Variants in FAM184A observed in about 807,000 individuals in gnomAD.
FAM184A encodes the protein family with sequence similarity 184 member A.
A neutral mutation model predicts 143.8 loss-of-function variants in FAM184A; 99 were observed. That is an observed-to-expected ratio of 0.69 (90% CI 0.58 to 0.81). The LOEUF is 0.81. Among genes scored for constraint, FAM184A ranks in the 40% least tolerant of loss-of-function variants. The probability of loss-of-function intolerance (pLI) is 0.00; values close to 1 mark genes in which losing one functional copy is unlikely to be tolerated. For missense variants in FAM184A, 1,217 were observed against 1,310.5 expected (o/e 0.93, Z 1.10); for synonymous variants, 427 against 446.4 (o/e 0.96, Z 0.55).
intron 1 of FAM184A, among the ~76,000 whole-genome samples, chr6:119,138,712 C>T (rs565815730): frequency 1.4e-4 from 22 of 152,168 alleles, no homozygotes; most frequent in African/African-American, 2.9e-4. Flanking sequence ...CCGCAACCTC[C>T]GCCTCCTGGG....
chr6:119,070,007 A>T (rs1274286786), intron 1 of FAM184A, among the ~76,000 whole-genome samples: 1 of 152,100 alleles, frequency 6.6e-6, no homozygotes, highest in Non-Finnish European at 1.5e-5. Flanking sequence ...ATTAGCAATT[A>T]AAAAAATCAA....
intron 1 of FAM184A, among the ~76,000 whole-genome samples, chr6:119,097,443 A>C (rs1432096216): frequency 6.6e-6 from 1 of 152,230 alleles, no homozygotes; most frequent in Non-Finnish European, 1.5e-5. Flanking sequence ...CAAATGTCTT[A>C]CTTCAGATTT....
intron 9 of FAM184A, among the ~76,000 whole-genome samples, chr6:118,986,470 T>G (rs888616786): frequency 6.6e-6 from 1 of 152,200 alleles, no homozygotes; most frequent in Admixed American, 6.5e-5. Context: ...ACAGAGGGAG[T>G]GGGCAGGTGC....
intron 1 of FAM184A, among the ~76,000 whole-genome samples, chr6:119,063,558 T>C (rs891829868): frequency 2.0e-5 from 3 of 152,182 alleles, no homozygotes; most frequent in African/African-American, 7.2e-5. Context: ...TGTTTGCAGT[T>C]CAACCCCAGC....
At chr6:119,135,813 A>T (rs1789644865) in intron 1 of FAM184A, among the ~76,000 whole-genome samples, 1 of 152,186 alleles carries the variant, frequency 6.6e-6, no homozygotes, top group African/African-American at 2.4e-5. Context: ...TCACCAGGTG[A>T]ATTCTACTAT....
Position 118,959,961 on chromosome 6 carries a change from A to C in FAM184A, c.*142T>G. The C allele has an allele frequency of 1.8e-6, 1 of 562,010 alleles. No individual in the cohort carries two copies. The highest frequency in any genetic ancestry group is 3.1e-6 in the Non-Finnish European group (1 of 322,356). The allele number at this position is 562,010 out of a possible 1,614,324, so 34.8% of individuals were successfully genotyped here. ...GAATGATTCCAATAAATATCACAGG[A>C]AATACAGTGCATTTTCAAGTTGGAG... On this transcript the variant is annotated 3_prime_UTR_variant, in exon 18 of 18. Coordinates refer to ENST00000338891, the MANE Select transcript of FAM184A (RefSeq NM_024581.6).
chr6:118,991,624 G>C (rs1784379092), intron 9 of FAM184A, among the ~76,000 whole-genome samples: 1 of 152,070 alleles, frequency 6.6e-6, no homozygotes, highest in African/African-American at 2.4e-5. Flanking sequence ...AAGGGTTAGT[G>C]AGGGACAGTT....
chr6:119,144,399 T>C (rs989852072), intron 1 of FAM184A, among the ~76,000 whole-genome samples: 11 of 151,456 alleles, frequency 7.3e-5, no homozygotes, highest in African/African-American at 2.7e-4. Context: ...TATGGAAGCA[T>C]TCACAGAAAG....
chr6:118,970,901 T>C (rs1312939473), intron 14 of FAM184A, among the ~76,000 whole-genome samples: 2 of 152,160 alleles, frequency 1.3e-5, no homozygotes, highest in Non-Finnish European at 2.9e-5. Context: ...CCTAAAAAGC[T>C]GTATACAAAG....
rs376410922 is a variant in FAM184A, at chr6:119,085,868, G to A, written c.-201-61055C>T. On this transcript the variant is annotated intron_variant, in intron 1 of 16. Transcript: ENST00000352896. Reference sequence around the variant, plus strand: ...CACGTCTTACATGGCCAGAGCAGGAGAAAGAGAGAGTGGGGGGAGGTGCTA... The same window carrying A: ...CACGTCTTACATGGCCAGAGCAGGAAAAAGAGAGAGTGGGGGGAGGTGCTA... 9.5e-4 allele frequency among the ~76,000 whole-genome samples: 145 copies of A among 152,304 alleles called. 2 individuals are homozygous for A. The highest frequency in any genetic ancestry group is 3.3e-3 in the African/African-American group (138 of 41,562).
intron 7 of FAM184A, 198 bp downstream of exon 7, chr6:119,006,249 G>T: frequency 1.3e-6 from 1 of 752,626 alleles, no homozygotes; most frequent in Admixed American, 1.7e-5. Context: ...CTTGATGTTG[G>T]ACTTCTAGCC....
intron 14 of FAM184A, among the ~76,000 whole-genome samples, chr6:118,971,257 A>G (rs1470618134): frequency 6.6e-6 from 1 of 152,206 alleles, no homozygotes; most frequent in African/African-American, 2.4e-5. Flanking sequence ...AACAAAAACA[A>G]AAGTTATTTG....
At chr6:119,104,568 C>A (rs987203484) in intron 1 of FAM184A, among the ~76,000 whole-genome samples, 12 of 152,144 alleles carry the variant, frequency 7.9e-5, no homozygotes, top group African/African-American at 2.7e-4. Flanking sequence ...GATGTCCCTA[C>A]AAAGATTCTA....
chr6:119,130,407 A>G (rs1380000153), intron 1 of FAM184A, among the ~76,000 whole-genome samples: 1 of 152,242 alleles, frequency 6.6e-6, no homozygotes, highest in Admixed American at 6.5e-5. Context: ...AGATGTTTCC[A>G]TAGTATCAAA....
chr6:118,960,857 C>G (rs756308057), intron 17 of FAM184A: 1 of 1,361,490 alleles, frequency 7.3e-7, no homozygotes. Context: ...ATGCATCTTA[C>G]TGATACCTGA....
intron 1 of FAM184A, among the ~76,000 whole-genome samples, chr6:119,059,782 G>A (rs1787152565): frequency 6.6e-6 from 1 of 152,162 alleles, no homozygotes; most frequent in Admixed American, 6.5e-5. Flanking sequence ...CAGTACTTCA[G>A]ATGTTTATAA....
intron 1 of FAM184A, among the ~76,000 whole-genome samples, chr6:119,052,334 A>G (rs1038136031): frequency 6.6e-6 from 1 of 152,178 alleles, no homozygotes; most frequent in African/African-American, 2.4e-5. Context: ...CTCCTACCAC[A>G]AAGTCATTAT....
intron 9 of FAM184A, among the ~76,000 whole-genome samples, chr6:118,985,825 G>GA (rs1228515406): frequency 2.0e-5 from 3 of 152,038 alleles, no homozygotes; most frequent in African/African-American, 4.8e-5. Context: ...CAGATCTCAG[G>GA]AAAAAAACTG....
intron 1 of FAM184A, among the ~76,000 whole-genome samples, chr6:119,048,414 C>A (rs947836030): frequency 3.3e-5 from 5 of 151,992 alleles, no homozygotes; most frequent in African/African-American, 1.2e-4. Context: ...AAAGGGCATC[C>A]AAATAGAAAG....
Sources: allele counts gnomAD v4.1 joint callset (sites outside exome capture counted in the v4.1 genomes callset), GRCh38; gene constraint gnomAD v4.1.1; transcripts MANE v1.5; gene names NCBI Gene and HGNC (gene_info 2026-07-23, HGNC 2026-07-21).